Variants in MOXD1 observed in about 807,000 individuals in gnomAD.
The protein encoded by MOXD1 is monooxygenase DBH like 1, also known as DBH-like monooxygenase protein 1.
In MOXD1, 62 loss-of-function variants were observed where a neutral mutation model predicts 66.6. That is an observed-to-expected ratio of 0.93 (90% CI 0.76 to 1.15). The LOEUF (loss-of-function observed/expected upper bound fraction) is 1.15. Ranked by LOEUF, MOXD1 falls within the 50% of genes most tolerant of loss-of-function variation. The pLI, the probability that MOXD1 is intolerant of heterozygous loss-of-function variation, is 0.00. For missense variants in MOXD1, 847 were observed against 754.6 expected (o/e 1.12, Z -1.44); for synonymous variants, 303 against 281.9 (o/e 1.07, Z -0.75).
intron 4 of MOXD1, among the ~76,000 whole-genome samples, chr6:132,332,623 T>C (rs1582576818): frequency 6.6e-6 from 1 of 151,682 alleles, no homozygotes; most frequent in Admixed American, 6.6e-5. Context: ...GAAATGGGAG[T>C]ACTTTGATCA....
At chr6:132,352,381 A>AT (rs919777200) in intron 4 of MOXD1, among the ~76,000 whole-genome samples, 17 of 152,034 alleles carry the variant, frequency 1.1e-4, no homozygotes, top group African/African-American at 3.6e-4. Flanking sequence ...TCTTGATTTC[A>AT]TTTTTGACCC....
chr6:132,302,965 T>C (rs1026577337), intron 10 of MOXD1, among the ~76,000 whole-genome samples: 3 of 152,146 alleles, frequency 2.0e-5, no homozygotes, highest in African/African-American at 7.2e-5. Context: ...TTTCATCAAA[T>C]GGTTCTTGCA....
rs1010468127 is a variant in MOXD1 at position 132,297,949 on chromosome 6, C to T, written c.1515G>A (p.Trp505Ter). ...GCTTGGGACTTTTGATAATGAAAGG[C>T]CAGGTCCTGAATTTAAAAGACACAG... ...VKEIYRPVTTWPFIIKSPKQY... is the reference protein window; with the variant it reads ...VKEIYRPVTT The change falls in exon 11 of 12, where the codon TGG (tryptophan) becomes TGA (stop). Residue 505 changes from tryptophan (W) to a stop codon, truncating the protein, a stop_gained. Transcript: ENST00000367963. LOFTEE classifies it high-confidence loss of function. The T allele has an allele frequency of 1.2e-6, 2 of 1,605,118 alleles. No homozygotes were observed. Among genetic ancestry groups the T allele is most frequent in the African/African-American group, 1.3e-5 (1 of 74,248 alleles).
At chr6:132,381,286 T>C (rs1041988636) in intron 1 of MOXD1, among the ~76,000 whole-genome samples, 1 of 152,234 alleles carries the variant, frequency 6.6e-6, no homozygotes, top group Non-Finnish European at 1.5e-5. Context: ...ATAGTTTAAC[T>C]TAATGAGACC....
intron 10 of MOXD1, among the ~76,000 whole-genome samples, chr6:132,306,760 C>A (rs1774701721): frequency 6.6e-6 from 1 of 152,132 alleles, no homozygotes; most frequent in Non-Finnish European, 1.5e-5. Flanking sequence ...TCCAGCAAAA[C>A]TAAGCTTTTT....
intron 4 of MOXD1, among the ~76,000 whole-genome samples, chr6:132,328,860 G>A (rs907727439): frequency 6.6e-6 from 1 of 151,834 alleles, no homozygotes; most frequent in African/African-American, 2.4e-5. Context: ...TTTTTTGGTT[G>A]TTAATTCACT....
In MOXD1 at chr6:132,297,775, A is replaced by C. The variant is rs777666862; in HGVS notation, c.1677+12T>G. On this transcript the variant is annotated intron_variant, in intron 11 of 11. Transcript: ENST00000367963. The stretch of plus-strand genomic sequence containing the variant: ...GTGTCATCTGGGTTGTCAGAGGTTA[A>C]AAAGAGCTTACCGACCACTCAGCAT... The C allele has an allele frequency of 4.4e-6, 7 of 1,581,970 alleles. No homozygotes were observed. The highest frequency in any genetic ancestry group is 6.0e-6 in the Non-Finnish European group (7 of 1,169,230).
At chr6:132,342,123 C>T (rs1234187392) in intron 4 of MOXD1, among the ~76,000 whole-genome samples, 1 of 152,124 alleles carries the variant, frequency 6.6e-6, no homozygotes, top group African/African-American at 2.4e-5. Flanking sequence ...CTGCCTCAGC[C>T]TCTCAAGTAG....
intron 10 of MOXD1, among the ~76,000 whole-genome samples, chr6:132,305,135 C>A (rs1301769211): frequency 1.3e-5 from 2 of 152,242 alleles, no homozygotes; most frequent in Non-Finnish European, 2.9e-5. Flanking sequence ...GAGGGAAGGG[C>A]AGCATCCATC....
intron 1 of MOXD1, among the ~76,000 whole-genome samples, chr6:132,394,491 A>C (rs80091840): frequency 0.03 from 4,612 of 152,242 alleles, 231 homozygotes; most frequent in African/African-American, 0.11. Flanking sequence ...AATACCCCCC[A>C]AAAAAGAATT....
Position 132,401,281 on chromosome 6 carries a change from G to A in MOXD1, c.146C>T (p.Ala49Val). 1.3e-6 allele frequency: 2 copies of A among 1,598,516 alleles called. No individual in the cohort carries two copies. Among genetic ancestry groups the A allele is most frequent in the Non-Finnish European group, 8.5e-7 (1 of 1,177,706 alleles). ...LGWSQRGSQIAFRLQVRTAGY... is the reference protein window; with the variant it reads ...LGWSQRGSQIVFRLQVRTAGY... ...TGCAGTGCGCACCTGGAGGCGGAAG[G>A]CGATCTGGCTGCCCCGCTGGCTCCA... The change falls in exon 1 of 12, where the codon GCC becomes GTC. Residue 49 changes from alanine (A) to valine (V), a missense_variant. By Grantham distance (64) the Ala-to-Val change is moderately conservative. Transcript: ENST00000367963.
intron 4 of MOXD1, among the ~76,000 whole-genome samples, chr6:132,340,028 C>T (rs1775518100): frequency 6.6e-6 from 1 of 152,050 alleles, no homozygotes. Flanking sequence ...CACCACCACA[C>T]CTGGATAATT....
In MOXD1 at chr6:132,369,475, AT is replaced by A. The variant is rs35080857; in HGVS notation, c.663+3132del. ...TAGCATAGGTCTTAACAACCTTATCATTTTTTTTTTATGAAGTTGAGAGCTT... is the reference window on the plus strand; with the variant it reads ...TAGCATAGGTCTTAACAACCTTATCATTTTTTTTTATGAAGTTGAGAGCTT... On this transcript the variant is annotated intron_variant, in intron 4 of 11. Transcript: ENST00000367963. Among the ~76,000 whole-genome samples, 1,044 of 148,328 alleles carry A rather than the reference AT, an allele frequency of 7.0e-3. 8 individuals are homozygous for A. Among genetic ancestry groups the A allele is most frequent in the African/African-American group, 0.021 (827 of 39,672 alleles).
intron 4 of MOXD1, among the ~76,000 whole-genome samples, chr6:132,368,920 T>C (rs1284516702): frequency 3.9e-5 from 6 of 152,104 alleles, no homozygotes; most frequent in Non-Finnish European, 8.8e-5. Flanking sequence ...TTCCAAATAC[T>C]TTCTTGTAAG....
intron 4 of MOXD1, among the ~76,000 whole-genome samples, chr6:132,341,502 A>G (rs906521205): frequency 3.9e-5 from 6 of 152,178 alleles, no homozygotes; most frequent in Non-Finnish European, 1.5e-5. Context: ...CCCAAATCGC[A>G]CTTTTCACCT....
intron 10 of MOXD1, among the ~76,000 whole-genome samples, chr6:132,303,884 T>TACAC (rs1562276572): frequency 4.0e-5 from 2 of 49,654 alleles, no homozygotes; most frequent in African/African-American, 2.6e-4. Context: ...TATATACATA[T>TACAC]ATACATAAAA....
In MOXD1 at chr6:132,337,180, C is replaced by T. The variant is rs117817723; in HGVS notation, c.664-8586G>A. On this transcript the variant is annotated intron_variant, in intron 4 of 11. Coordinates refer to ENST00000367963, the MANE Select transcript of MOXD1 (RefSeq NM_015529.4). ...CAAGTTTTCCTCTTAATAAATGAAT[C>T]GATACATTCCTTTCTTTTTCTGAAA... Among the ~76,000 whole-genome samples the T allele has an allele frequency of 5.5e-4, 83 of 152,250 alleles. 2 individuals are homozygous for T. The East Asian group carries it at 0.015, about 27-fold the overall frequency.
chr6:132,359,133 T>A (rs1775963518), intron 4 of MOXD1, among the ~76,000 whole-genome samples: 1 of 146,398 alleles, frequency 6.8e-6, no homozygotes, highest in African/African-American at 2.5e-5. Context: ...TTTTTTTTTT[T>A]TTCTGAGGCA....
At chr6:132,344,767 C>T (rs1319448691) in intron 4 of MOXD1, among the ~76,000 whole-genome samples, 1 of 152,156 alleles carries the variant, frequency 6.6e-6, no homozygotes, top group Non-Finnish European at 1.5e-5. Context: ...GTCCCAGACT[C>T]AGCCACACTG....
Sources: allele counts gnomAD v4.1 joint callset (sites outside exome capture counted in the v4.1 genomes callset), GRCh38; gene constraint gnomAD v4.1.1; transcripts MANE v1.5; gene names NCBI Gene and HGNC (gene_info 2026-07-23, HGNC 2026-07-21).